The following MYO3B variants were observed in gnomAD, a reference collection of about 807,000 sequenced individuals.
MYO3B encodes the protein myosin IIIB, also known as myosin-IIIb.
In MYO3B, 156 loss-of-function variants were observed where a neutral mutation model predicts 174.6. The observed-to-expected ratio is 0.89, with a 90% CI of 0.78 to 1.02. MYO3B has a LOEUF of 1.02. Among genes scored for constraint, MYO3B ranks in the 50% least tolerant of loss-of-function variants. MYO3B has a pLI of 0.00. For synonymous variants in MYO3B, 563 were observed against 569.1 expected (o/e 0.99, Z 0.15); for missense variants, 1,632 against 1,639.4 (o/e 1.00, Z 0.08).
chr2:170,208,300 A>G (rs1160955547), intron 3 of MYO3B, among the ~76,000 whole-genome samples: 1 of 152,172 alleles, frequency 6.6e-6, no homozygotes, highest in East Asian at 1.9e-4. Flanking sequence ...AAGCTGTGGA[A>G]TTGAGTCCTC....
chr2:170,566,743 G>A (rs1692100381), intron 32 of MYO3B, among the ~76,000 whole-genome samples: 1 of 151,966 alleles, frequency 6.6e-6, no homozygotes, highest in Non-Finnish European at 1.5e-5. Flanking sequence ...TTTTGAAGAG[G>A]GTCTCATTCT....
At chr2:170,238,604 C>A (rs181721125) in intron 7 of MYO3B, among the ~76,000 whole-genome samples, 2 of 152,232 alleles carry the variant, frequency 1.3e-5, no homozygotes, top group African/African-American at 4.8e-5. Context: ...TCCCGGCAAC[C>A]CTTTCTTTAC....
chr2:170,499,551 C>A (rs1450436296), intron 26 of MYO3B, 95 bp from the exon 27 acceptor site: 13 of 1,122,244 alleles, frequency 1.2e-5, no homozygotes, highest in Non-Finnish European at 1.4e-5. Flanking sequence ...TTATTTATAT[C>A]ATTGTTTTAA....
At chr2:170,310,631 C>T (rs183749293) in intron 7 of MYO3B, among the ~76,000 whole-genome samples, 234 of 129,924 alleles carry the variant, frequency 1.8e-3, no homozygotes, top group African/African-American at 6.2e-3. Flanking sequence ...TGCTACTGCA[C>T]TCCAGCCTGG....
At chr2:170,491,746 GT>G (rs1686499137) in intron 25 of MYO3B, among the ~76,000 whole-genome samples, 1 of 152,162 alleles carries the variant, frequency 6.6e-6, no homozygotes, top group Non-Finnish European at 1.5e-5. Context: ...AATTTATGAA[GT>G]CATGTTTTGT....
intron 32 of MYO3B, among the ~76,000 whole-genome samples, chr2:170,600,147 C>T (rs1406363135): frequency 3.3e-5 from 5 of 150,710 alleles, no homozygotes; most frequent in Non-Finnish European, 7.4e-5. Context: ...TTTTTTAACT[C>T]TGCAATTATT....
At chr2:170,552,895 C>A (rs1388293133) in intron 32 of MYO3B, among the ~76,000 whole-genome samples, 1 of 152,156 alleles carries the variant, frequency 6.6e-6, no homozygotes, top group Non-Finnish European at 1.5e-5. Context: ...GCATCCCAGC[C>A]GATCTAGCTT....
At chr2:170,280,130 ATT>A (rs911308280) in intron 7 of MYO3B, among the ~76,000 whole-genome samples, 2 of 151,864 alleles carry the variant, frequency 1.3e-5, no homozygotes, top group African/African-American at 4.8e-5. Flanking sequence ...AGCATCTGTT[ATT>A]TGACTTTTTA....
chr2:170,344,836 A>G (rs749636482), intron 8 of MYO3B: 8 of 152,294 alleles, frequency 5.3e-5, no homozygotes, highest in Non-Finnish European at 1.0e-4. Flanking sequence ...AGAGTCAGGA[A>G]GGAGAAACTG....
intron 21 of MYO3B, among the ~76,000 whole-genome samples, 160 bp downstream of exon 21, chr2:170,405,793 C>T (rs2094505734): frequency 1.3e-5 from 2 of 152,218 alleles, no homozygotes; most frequent in Non-Finnish European, 2.9e-5. Flanking sequence ...AGTGGTGCCA[C>T]TCACAGAAAG....
At chr2:170,356,936 G>T (rs4667637) in intron 8 of MYO3B, among the ~76,000 whole-genome samples, 20 of 151,882 alleles carry the variant, frequency 1.3e-4, no homozygotes, top group African/African-American at 4.6e-4. Context: ...CACCACCACG[G>T]CCCCCTGATT....
intron 32 of MYO3B, among the ~76,000 whole-genome samples, chr2:170,629,022 G>A (rs759224140): frequency 5.9e-5 from 9 of 152,094 alleles, no homozygotes; most frequent in Non-Finnish European, 8.8e-5. Context: ...GAGCCCAACC[G>A]AAGAACGTTA....
chr2:170,195,541 C>G (rs945840973), intron 1 of MYO3B, among the ~76,000 whole-genome samples: 1 of 152,150 alleles, frequency 6.6e-6, no homozygotes, highest in Non-Finnish European at 1.5e-5. Context: ...TCACCATCCT[C>G]AAGTCTGTGT....
chr2:170,578,882 G>C (rs569607883), intron 32 of MYO3B, among the ~76,000 whole-genome samples: 37 of 152,332 alleles, frequency 2.4e-4, no homozygotes, highest in African/African-American at 8.2e-4. Flanking sequence ...AAAGCGCTTA[G>C]CATTTTCTTA....
chr2:170,320,160 G>T (rs182673145), intron 7 of MYO3B, among the ~76,000 whole-genome samples: 1 of 150,834 alleles, frequency 6.6e-6, no homozygotes, highest in African/African-American at 2.4e-5. Flanking sequence ...GCCCTCCCCC[G>T]CCCCAAGTAG....
chr2:170,542,061 G>A (rs189577636), intron 30 of MYO3B, among the ~76,000 whole-genome samples: 1 of 151,984 alleles, frequency 6.6e-6, no homozygotes, highest in East Asian at 1.9e-4. Flanking sequence ...GGAAAACTAG[G>A]ACCCCGAATA....
In MYO3B at chr2:170,335,420, G is replaced by T; in HGVS notation, c.785G>T (p.Trp262Leu). 6.2e-7 allele frequency: 1 copy of T among 1,611,858 alleles called. No homozygotes were observed. Among genetic ancestry groups the T allele is most frequent in the Non-Finnish European group, 8.5e-7 (1 of 1,179,012 alleles). The part of the protein sequence containing the change: ...PPPTLLHPEK[W>L]CEEFNHFISQ... ...CCTACTTTACTTCATCCAGAAAAAT[G>T]GTGTGAAGAATTCAACCACTTTATT... Residue 262 changes from tryptophan to leucine, a missense_variant, in exon 8 of 35, where the codon TGG (tryptophan) becomes TTG (leucine). Coordinates refer to ENST00000408978, the MANE Select transcript of MYO3B (RefSeq NM_138995.5).
chr2:170,518,953 C>T (rs961853991), intron 29 of MYO3B, among the ~76,000 whole-genome samples: 7 of 152,318 alleles, frequency 4.6e-5, no homozygotes, highest in African/African-American at 1.7e-4. Context: ...AATAAACTGT[C>T]CTCAATCAAA....
intron 7 of MYO3B, among the ~76,000 whole-genome samples, chr2:170,319,334 A>G (rs716427): frequency 0.39 from 59,357 of 152,082 alleles, 14,099 homozygotes; most frequent in East Asian, 0.63. Context: ...TCACCATTTT[A>G]GGCTGCCTCC....
Sources: gnomAD v4.1 joint callset for allele counts (sites outside exome capture counted in the v4.1 genomes callset) on GRCh38, gnomAD v4.1.1 for gene constraint, MANE v1.5 for transcripts, NCBI Gene and HGNC (gene_info 2026-07-23, HGNC 2026-07-21) for gene names.